Variants in TAFA2 observed in about 807,000 individuals in gnomAD.
The protein encoded by TAFA2 is chemokine-like protein TAFA-2.
A neutral mutation model predicts 18.8 loss-of-function variants in TAFA2; 7 were observed. The ratio of observed to expected loss-of-function variants is 0.37; its 90% CI spans 0.21 to 0.70. The LOEUF (loss-of-function observed/expected upper bound fraction) is 0.70. Among genes scored for constraint, TAFA2 ranks in the 30% least tolerant of loss-of-function variants. The pLI, the probability that TAFA2 is intolerant of heterozygous loss-of-function variation, is 0.53. For missense variants in TAFA2, 122 were observed against 158.1 expected, an observed-to-expected ratio of 0.77 and a Z score of 1.23; for synonymous variants, 60 against 54.2, an observed-to-expected ratio of 1.11 and a Z score of -0.47.
At chr12:62,179,095 GTTA>G (rs1478451822) in intron 1 of TAFA2, among the ~76,000 whole-genome samples, 1 of 152,118 alleles carries the variant, frequency 6.6e-6, no homozygotes, top group African/African-American at 2.4e-5. Context: ...TTTAAGTATA[GTTA>G]TTATTTATGA....
At chr12:61,927,069 GAAAAAAA>G (rs56908081) in intron 1 of TAFA2, among the ~76,000 whole-genome samples, 22 of 69,926 alleles carry the variant, frequency 3.1e-4, no homozygotes, top group African/African-American at 4.6e-4. Flanking sequence ...GTGAGACTCT[GAAAAAAA>G]AAAAAAAAAA....
At chr12:61,991,218 T>C (rs1879998966) in intron 1 of TAFA2, among the ~76,000 whole-genome samples, 1 of 152,214 alleles carries the variant, frequency 6.6e-6, no homozygotes. Context: ...GTATTCAGCC[T>C]CTGGAATTGT....
intron 1 of TAFA2, among the ~76,000 whole-genome samples, chr12:62,229,624 T>A (rs192073689): frequency 3.9e-5 from 6 of 152,142 alleles, no homozygotes; most frequent in African/African-American, 1.4e-4. Flanking sequence ...AGTATTTTGT[T>A]CAGGATTTCT....
intron 1 of TAFA2, among the ~76,000 whole-genome samples, chr12:62,098,711 A>C (rs1359359958): frequency 6.6e-6 from 1 of 152,210 alleles, no homozygotes. Flanking sequence ...GGCTTATAAA[A>C]TAATACTCAA....
At chr12:61,937,695 T>C (rs748027953) in intron 1 of TAFA2, among the ~76,000 whole-genome samples, 3 of 152,056 alleles carry the variant, frequency 2.0e-5, no homozygotes, top group Non-Finnish European at 2.9e-5. Context: ...CCCGAAACCA[T>C]AAACATTCTA....
chr12:62,060,709 G>A (rs540732797), intron 1 of TAFA2, among the ~76,000 whole-genome samples: 19 of 152,298 alleles, frequency 1.2e-4, no homozygotes, highest in African/African-American at 4.6e-4. Context: ...ACCTTCCAGT[G>A]GGACAAGATA....
chr12:62,168,669 T>C (rs1274100898), intron 1 of TAFA2, among the ~76,000 whole-genome samples: 1 of 152,042 alleles, frequency 6.6e-6, no homozygotes, highest in African/African-American at 2.4e-5. Flanking sequence ...ACCCAGTCTC[T>C]AAACAAAACA....
chr12:61,891,100 C>A (rs979575201), intron 1 of TAFA2, among the ~76,000 whole-genome samples: 5 of 152,108 alleles, frequency 3.3e-5, no homozygotes, highest in African/African-American at 1.2e-4. Context: ...GTCCTTCCAT[C>A]ATGTAATTTA....
intron 1 of TAFA2, among the ~76,000 whole-genome samples, chr12:62,020,055 A>C (rs1881078822): frequency 1.3e-5 from 2 of 152,198 alleles, no homozygotes; most frequent in South Asian, 4.1e-4. Flanking sequence ...CAGTCTCATC[A>C]TTATAGATTA....
chr12:62,022,481 T>G (rs1881175910), intron 1 of TAFA2, among the ~76,000 whole-genome samples: 1 of 152,186 alleles, frequency 6.6e-6, no homozygotes, highest in African/African-American at 2.4e-5. Context: ...TCTCTCTTAA[T>G]AAAATAATAA....
chr12:62,067,015 A>G (rs1466207369), intron 1 of TAFA2, among the ~76,000 whole-genome samples: 4 of 152,014 alleles, frequency 2.6e-5, no homozygotes, highest in Non-Finnish European at 4.4e-5. Flanking sequence ...TTTAACTGGG[A>G]TGAGATAATA....
Position 61,879,762 on chromosome 12 carries a change from T to C in TAFA2, c.-1-12336A>G, listed in dbSNP as rs761733321. ...ATGTTCCAGAGCTACATCAACAACCTTAGGTGGCAGCTGGAGACTCTGGGC... is the reference window on the plus strand; with the variant it reads ...ATGTTCCAGAGCTACATCAACAACCCTAGGTGGCAGCTGGAGACTCTGGGC... On this transcript the variant is annotated intron_variant, in intron 1 of 4. Coordinates refer to ENST00000416284, the MANE Select transcript of TAFA2 (RefSeq NM_178539.5). 453 of 1,380,806 alleles carry C rather than the reference T, an allele frequency of 3.3e-4. 1 individual carries two copies. Among genetic ancestry groups the C allele is most frequent in the Non-Finnish European group, 4.2e-4 (410 of 980,738 alleles). 85.5% of individuals were successfully genotyped at this position (1,380,806 alleles called of 1,614,324 possible).
At chr12:62,011,937 C>T (rs1880784349) in intron 1 of TAFA2, among the ~76,000 whole-genome samples, 2 of 152,164 alleles carry the variant, frequency 1.3e-5, no homozygotes. Flanking sequence ...CCTCTCAGCA[C>T]ACACATGCTA....
intron 1 of TAFA2, among the ~76,000 whole-genome samples, chr12:62,161,100 T>C (rs868534876): frequency 6.6e-6 from 1 of 152,242 alleles, no homozygotes; most frequent in Non-Finnish European, 1.5e-5. Context: ...TGAACTACCC[T>C]GTGGTAGGAG....
intron 1 of TAFA2, among the ~76,000 whole-genome samples, chr12:62,024,800 G>A (rs1881261265): frequency 6.6e-6 from 1 of 151,762 alleles, no homozygotes; most frequent in African/African-American, 2.4e-5. Context: ...ATGAGCAAAA[G>A]ACATGAACAG....
At chr12:61,823,307 G>A (rs1872397452) in intron 2 of TAFA2, among the ~76,000 whole-genome samples, 1 of 151,814 alleles carries the variant, frequency 6.6e-6, no homozygotes, top group Non-Finnish European at 1.5e-5. Flanking sequence ...CAAAATGCTG[G>A]AATTACAGCC....
At chr12:61,886,768 G>A (rs1435108985) in intron 1 of TAFA2, among the ~76,000 whole-genome samples, 2 of 152,166 alleles carry the variant, frequency 1.3e-5, no homozygotes, top group African/African-American at 4.8e-5. Context: ...ACTTAAGGAT[G>A]AAATAGTATG....
chr12:61,809,866 C>T (rs1193977377), intron 2 of TAFA2, among the ~76,000 whole-genome samples: 1 of 151,254 alleles, frequency 6.6e-6, no homozygotes, highest in African/African-American at 2.5e-5. Flanking sequence ...TCAATACCTC[C>T]ATGCACAGTG....
At chr12:61,880,042 G>C in intron 1 of TAFA2, 2 of 706,732 alleles carry the variant, frequency 2.8e-6, no homozygotes, top group South Asian at 3.0e-5. Flanking sequence ...CCCTGATCTC[G>C]GACACGTCTG....
Sources: allele counts gnomAD v4.1 joint callset (sites outside exome capture counted in the v4.1 genomes callset), GRCh38; gene constraint gnomAD v4.1.1; transcripts MANE v1.5; gene names NCBI Gene and HGNC (gene_info 2026-07-23, HGNC 2026-07-21).